Variants in TRAPPC9 observed in about 807,000 individuals in gnomAD.
TRAPPC9 encodes the protein IKK2 binding protein.
Under a neutral mutation model 124.0 loss-of-function variants are expected in TRAPPC9, and 83 were observed. The ratio of observed to expected loss-of-function variants is 0.67; its 90% CI spans 0.56 to 0.80. The LOEUF (loss-of-function observed/expected upper bound fraction) is 0.80. TRAPPC9 is among the 30% of genes least tolerant of loss of function. The pLI, the probability that TRAPPC9 is intolerant of heterozygous loss-of-function variation, is 0.00. For synonymous variants in TRAPPC9, 638 were observed against 617.5 expected, an observed-to-expected ratio of 1.03 and a Z score of -0.49; for missense variants, 1,302 against 1,508.3, an observed-to-expected ratio of 0.86 and a Z score of 2.27.
chr8:140,244,368 T>G (rs147511838), intron 16 of TRAPPC9, among the ~76,000 whole-genome samples: 1,711 of 152,328 alleles, frequency 0.011, 29 homozygotes, highest in South Asian at 0.044. Flanking sequence ...TTTCCCATAC[T>G]GAAACTGAAA....
At chr8:140,417,153 G>C (rs562228597) in intron 5 of TRAPPC9, among the ~76,000 whole-genome samples, 5 of 152,260 alleles carry the variant, frequency 3.3e-5, no homozygotes, top group African/African-American at 1.2e-4. Flanking sequence ...CAGGACACAG[G>C]CATGGGCAAA....
chr8:139,804,241 C>A (rs1288018577), intron 21 of TRAPPC9, among the ~76,000 whole-genome samples: 1 of 142,748 alleles, frequency 7.0e-6, no homozygotes, highest in Non-Finnish European at 1.5e-5. Context: ...CACCACCCAC[C>A]ACCACCACCA....
intron 2 of TRAPPC9, among the ~76,000 whole-genome samples, chr8:140,444,699 T>C (rs1367767238): frequency 6.7e-6 from 1 of 149,496 alleles, no homozygotes; most frequent in Non-Finnish European, 1.5e-5. Context: ...CCCCCATCTC[T>C]ACTAAAAATA....
intron 2 of TRAPPC9, among the ~76,000 whole-genome samples, chr8:140,448,145 C>CAAA (rs56941791): frequency 1.1e-4 from 10 of 90,072 alleles, no homozygotes; most frequent in East Asian, 3.5e-4. Flanking sequence ...GACACCATCT[C>CAAA]AAAAAAAAAA....
chr8:140,130,598 A>G (rs11993501), intron 17 of TRAPPC9, among the ~76,000 whole-genome samples: 66,016 of 152,096 alleles, frequency 0.43, 14,558 homozygotes, highest in African/African-American at 0.5. Flanking sequence ...GAATCAGATG[A>G]TTCTAAGTGG....
intron 19 of TRAPPC9, among the ~76,000 whole-genome samples, chr8:139,921,389 C>T (rs1256348857): frequency 6.6e-6 from 1 of 152,186 alleles, no homozygotes; most frequent in East Asian, 1.9e-4. Context: ...GAATCAGAAA[C>T]AAGCCCTTAT....
chr8:140,450,468 C>T (rs1170264499), intron 2 of TRAPPC9, among the ~76,000 whole-genome samples: 1 of 152,074 alleles, frequency 6.6e-6, no homozygotes, highest in Non-Finnish European at 1.5e-5. Context: ...TGTCTAGTGC[C>T]CAAAAGCCAC....
At chr8:140,287,816 C>T in intron 12 of TRAPPC9, 82 bp from the exon 13 acceptor site, 1 of 1,583,446 alleles carries the variant, frequency 6.3e-7, no homozygotes, top group Non-Finnish European at 8.6e-7. Context: ...AAGACATTGG[C>T]TATGGCACAT....
chr8:139,762,635 G>A (rs760678637), intron 21 of TRAPPC9, among the ~76,000 whole-genome samples: 1 of 152,210 alleles, frequency 6.6e-6, no homozygotes. Context: ...CGGGATCACC[G>A]TCACACATGC....
intron 20 of TRAPPC9, among the ~76,000 whole-genome samples, chr8:139,905,950 C>T (rs1440509322): frequency 2.6e-5 from 4 of 151,512 alleles, no homozygotes; most frequent in Non-Finnish European, 2.9e-5. Flanking sequence ...AAAAATTAGC[C>T]GGGCGTGGTG....
At chr8:139,787,732 G>A (rs933926201) in intron 21 of TRAPPC9, among the ~76,000 whole-genome samples, 11 of 152,122 alleles carry the variant, frequency 7.2e-5, no homozygotes, top group African/African-American at 2.4e-4. Context: ...GTCCGGGGTC[G>A]GTGCTACCTG....
At chr8:140,115,430 C>T (rs973046531) in intron 17 of TRAPPC9, among the ~76,000 whole-genome samples, 5 of 151,942 alleles carry the variant, frequency 3.3e-5, no homozygotes, top group East Asian at 3.9e-4. Flanking sequence ...CCACACCTGG[C>T]GAATTTTTTT....
At chr8:140,443,396 A>C (rs939076980) in intron 2 of TRAPPC9, among the ~76,000 whole-genome samples, 1 of 151,758 alleles carries the variant, frequency 6.6e-6, no homozygotes. Context: ...AGATCGCGCC[A>C]CTGCACTCCA....
chr8:140,065,386 C>T (rs1401983797), intron 17 of TRAPPC9, among the ~76,000 whole-genome samples: 1 of 152,170 alleles, frequency 6.6e-6, no homozygotes, highest in Non-Finnish European at 1.5e-5. Flanking sequence ...AGGAAGATGG[C>T]TACACTAAAC....
At chr8:140,297,630 T>C (rs2065847289) in intron 11 of TRAPPC9, among the ~76,000 whole-genome samples, 1 of 152,224 alleles carries the variant, frequency 6.6e-6, no homozygotes, top group Non-Finnish European at 1.5e-5. Context: ...ACACGGCTCC[T>C]CAGATGGAGG....
At chr8:139,960,285 A>C (rs1835291680) in intron 19 of TRAPPC9, among the ~76,000 whole-genome samples, 1 of 152,104 alleles carries the variant, frequency 6.6e-6, no homozygotes, top group South Asian at 2.1e-4. Flanking sequence ...TGAACCTCCC[A>C]CAGCTTGGAC....
At chr8:140,240,881 T>C (rs2063842005) in intron 16 of TRAPPC9, among the ~76,000 whole-genome samples, 1 of 152,188 alleles carries the variant, frequency 6.6e-6, no homozygotes, top group African/African-American at 2.4e-5. Context: ...CATACCAGCC[T>C]TCTTTTAAAA....
intron 18 of TRAPPC9, among the ~76,000 whole-genome samples, chr8:139,997,170 C>T (rs979620232): frequency 1.3e-5 from 2 of 152,204 alleles, no homozygotes; most frequent in African/African-American, 4.8e-5. Context: ...ACAATGAATT[C>T]TACACAGAGG....
chr8:140,449,723 A>G (rs2071390105), intron 2 of TRAPPC9, among the ~76,000 whole-genome samples: 1 of 152,222 alleles, frequency 6.6e-6, no homozygotes, highest in South Asian at 2.1e-4. Context: ...TGTGGCCATC[A>G]GGAGGGAAAA....
Sources: allele counts gnomAD v4.1 joint callset (sites outside exome capture counted in the v4.1 genomes callset), GRCh38; gene constraint gnomAD v4.1.1; transcripts MANE v1.5; gene names NCBI Gene and HGNC (gene_info 2026-07-23, HGNC 2026-07-21).